FSTL5: variants seen among roughly 807,000 people sequenced by gnomAD.
FSTL5 encodes the protein follistatin-related protein 5.
Under a neutral mutation model 89.1 loss-of-function variants are expected in FSTL5, and 62 were observed. The ratio of observed to expected loss-of-function variants is 0.70; its 90% CI spans 0.57 to 0.86. The LOEUF is 0.86. Ranked by LOEUF, FSTL5 falls within the 40% of genes least tolerant of loss-of-function variation. The probability of loss-of-function intolerance (pLI) is 0.00; values close to 1 mark genes in which losing one functional copy is unlikely to be tolerated. For synonymous variants in FSTL5, 383 were observed against 346.2 expected, an observed-to-expected ratio of 1.11 and a Z score of -1.18; for missense variants, 1,057 against 1,001.6, an observed-to-expected ratio of 1.06 and a Z score of -0.75.
chr4:161,692,783 G>A (rs1021099809), intron 6 of FSTL5, among the ~76,000 whole-genome samples: 4 of 152,014 alleles, frequency 2.6e-5, no homozygotes, highest in Non-Finnish European at 5.9e-5. Context: ...GAGTGCAGTG[G>A]CGCTATCTCG....
intron 7 of FSTL5, among the ~76,000 whole-genome samples, chr4:161,624,390 G>A (rs967633185): frequency 9.9e-5 from 15 of 151,892 alleles, no homozygotes; most frequent in African/African-American, 3.6e-4. Context: ...TTAAGAATTA[G>A]AGTTTAGGAT....
chr4:162,089,270 G>A (rs1185949661), intron 2 of FSTL5, among the ~76,000 whole-genome samples: 1 of 151,986 alleles, frequency 6.6e-6, no homozygotes, highest in Admixed American at 6.6e-5. Context: ...GCAAAACACC[G>A]ACTAAGACAC....
At chr4:161,835,463 T>C (rs1321230525) in intron 4 of FSTL5, among the ~76,000 whole-genome samples, 1 of 151,894 alleles carries the variant, frequency 6.6e-6, no homozygotes, top group Non-Finnish European at 1.5e-5. Flanking sequence ...GGGATCTAAT[T>C]AAACTAAAGA....
intron 12 of FSTL5, among the ~76,000 whole-genome samples, chr4:161,498,455 C>T (rs190375146): frequency 6.6e-6 from 1 of 152,202 alleles, no homozygotes; most frequent in East Asian, 1.9e-4. Context: ...TGAAATAGCA[C>T]ACATGTGGTG....
Position 162,111,131 on chromosome 4 carries a change from T to C in FSTL5, c.126+140A>G, listed in dbSNP as rs560787802. ...TTTACTGCTATTTCATGTATTAAAA[T>C]GTGCATTTTAAAAATAATATGGAAA... On this transcript the variant is annotated intron_variant, in intron 2 of 15. Coordinates refer to ENST00000306100, the MANE Select transcript of FSTL5 (RefSeq NM_020116.5). 7.6e-5 allele frequency: 49 copies of C among 643,744 alleles called. No individual in the cohort carries two copies. The East Asian group carries it at 1.4e-3, about 19-fold the overall frequency. The allele number at this position is 643,744 out of a possible 1,614,324, so 39.9% of individuals were successfully genotyped here.
At chr4:162,003,095 G>C (rs1331161196) in intron 3 of FSTL5, among the ~76,000 whole-genome samples, 1 of 152,048 alleles carries the variant, frequency 6.6e-6, no homozygotes, top group Non-Finnish European at 1.5e-5. Context: ...AGTGAGCCGA[G>C]ATCGCACCAC....
intron 4 of FSTL5, among the ~76,000 whole-genome samples, chr4:161,807,452 A>T (rs1730005537): frequency 6.6e-6 from 1 of 152,142 alleles, no homozygotes; most frequent in Admixed American, 6.6e-5. Context: ...CAGAATTGAG[A>T]TTCAAGTTGT....
At chr4:161,856,504 G>A (rs1424489610) in intron 4 of FSTL5, among the ~76,000 whole-genome samples, 1 of 151,862 alleles carries the variant, frequency 6.6e-6, no homozygotes, top group Non-Finnish European at 1.5e-5. Context: ...AACATTTATT[G>A]GGCATGTATT....
intron 3 of FSTL5, among the ~76,000 whole-genome samples, chr4:161,972,441 T>C (rs115967050): frequency 3.2e-3 from 490 of 152,304 alleles, no homozygotes; most frequent in Non-Finnish European, 5.5e-3. Context: ...ATATCTGTCT[T>C]CTAGCAGACT....
intron 4 of FSTL5, among the ~76,000 whole-genome samples, chr4:161,789,833 C>A (rs1317401754): frequency 6.6e-6 from 1 of 152,010 alleles, no homozygotes; most frequent in Non-Finnish European, 1.5e-5. Flanking sequence ...TCACAGAGGT[C>A]AATCTGAATA....
chr4:161,422,580 C>T (rs2126316778), intron 15 of FSTL5, among the ~76,000 whole-genome samples: 1 of 152,290 alleles, frequency 6.6e-6, no homozygotes, highest in South Asian at 2.1e-4. Flanking sequence ...GCTAGCATAT[C>T]TCAGAGAACC....
intron 3 of FSTL5, among the ~76,000 whole-genome samples, chr4:161,950,712 A>G (rs1734869187): frequency 6.6e-6 from 1 of 152,056 alleles, no homozygotes; most frequent in African/African-American, 2.4e-5. Context: ...TCAGCCTACA[A>G]TGGGCTCTAA....
At chr4:161,584,203 CT>C (rs1733531120) in intron 8 of FSTL5, among the ~76,000 whole-genome samples, 2 of 152,134 alleles carry the variant, frequency 1.3e-5, no homozygotes, top group African/African-American at 2.4e-5. Context: ...ACCACTAAAG[CT>C]ATTACAAACT....
At chr4:162,029,153 G>C (rs1737414345) in intron 3 of FSTL5, among the ~76,000 whole-genome samples, 2 of 104,134 alleles carry the variant, frequency 1.9e-5, no homozygotes, top group African/African-American at 4.0e-5. Flanking sequence ...GAGGGAGAGA[G>C]AGAGAGAGAG....
chr4:161,698,265 A>G (rs1015827838), intron 6 of FSTL5, among the ~76,000 whole-genome samples: 11 of 152,188 alleles, frequency 7.2e-5, no homozygotes, highest in African/African-American at 2.7e-4. Flanking sequence ...GAAATGTGAG[A>G]AATAAATGTT....
chr4:161,562,196 A>C (rs975977906), intron 8 of FSTL5, among the ~76,000 whole-genome samples: 5 of 151,984 alleles, frequency 3.3e-5, no homozygotes, highest in Non-Finnish European at 5.9e-5. Flanking sequence ...ATCTATGTCT[A>C]TGCTGTGTCA....
In FSTL5 at chr4:161,530,175, T is replaced by C. The variant is rs1401639141; in HGVS notation, c.1312+7991A>G. Reference sequence around the variant, plus strand: ...CTAAAGTTTATGATAGTCATATTCATACGATCTTTATAGGTAAAAAGACCA... The same window carrying C: ...CTAAAGTTTATGATAGTCATATTCACACGATCTTTATAGGTAAAAAGACCA... On this transcript the variant is annotated intron_variant, in intron 10 of 15. Coordinates refer to ENST00000306100, the MANE Select transcript of FSTL5 (RefSeq NM_020116.5). 1.4e-5 allele frequency among the ~76,000 whole-genome samples: 2 copies of C among 142,742 alleles called. 1 individual carries two copies. The highest frequency in any genetic ancestry group is 1.5e-4 in the Admixed American group (2 of 13,312). 93.6% of individuals were successfully genotyped at this position (142,742 alleles called of 152,430 possible). A position where few individuals can be genotyped will look rare whatever the true frequency, so the allele number is the denominator to read the frequency against.
At chr4:161,592,350 C>T (rs1280004766) in intron 7 of FSTL5, among the ~76,000 whole-genome samples, 2 of 152,016 alleles carry the variant, frequency 1.3e-5, no homozygotes, top group South Asian at 2.1e-4. Flanking sequence ...AAGGTATACA[C>T]GTGCCATGGT....
chr4:161,714,877 G>C (rs1009209151), intron 6 of FSTL5, among the ~76,000 whole-genome samples: 1 of 151,786 alleles, frequency 6.6e-6, no homozygotes, highest in African/African-American at 2.4e-5. Flanking sequence ...ATATGTACTA[G>C]GTATGAAAAG....
Sources: gnomAD v4.1 joint callset for allele counts (sites outside exome capture counted in the v4.1 genomes callset) on GRCh38, gnomAD v4.1.1 for gene constraint, MANE v1.5 for transcripts, NCBI Gene and HGNC (gene_info 2026-07-23, HGNC 2026-07-21) for gene names.